The following PTPRT variants were observed in gnomAD, a reference collection of about 807,000 sequenced individuals.
PTPRT encodes protein tyrosine phosphatase receptor type T, also known as receptor-type tyrosine-protein phosphatase T.
Under a neutral mutation model 176.8 loss-of-function variants are expected in PTPRT, and 56 were observed. The ratio of observed to expected loss-of-function variants is 0.32; its 90% CI spans 0.26 to 0.40. PTPRT has a LOEUF of 0.40. PTPRT is among the 10% of genes least tolerant of loss of function. PTPRT has a pLI of 1.00. For synonymous variants in PTPRT, 783 were observed against 739.0 expected, an observed-to-expected ratio of 1.06 and a Z score of -0.96; for missense variants, 1,540 against 1,908.2, an observed-to-expected ratio of 0.81 and a Z score of 3.60.
At chr20:42,249,370 CA>C (rs2056511382) in intron 13 of PTPRT, among the ~76,000 whole-genome samples, 1 of 151,922 alleles carries the variant, frequency 6.6e-6, no homozygotes, top group South Asian at 2.1e-4. Context: ...ACCTTGGGTT[CA>C]AAAAAACACT....
chr20:42,252,864 C>T (rs1291507591), intron 13 of PTPRT, among the ~76,000 whole-genome samples: 3 of 152,240 alleles, frequency 2.0e-5, no homozygotes, highest in East Asian at 3.8e-4. Context: ...GCTGAAATCA[C>T]AGACTTTACA....
At chr20:42,795,423 G>T (rs731609) in intron 2 of PTPRT, among the ~76,000 whole-genome samples, 3,494 of 152,296 alleles carry the variant, frequency 0.023, 126 homozygotes, top group African/African-American at 0.076. Context: ...GCAGATGGTG[G>T]CTATTGTGTT....
intron 6 of PTPRT, among the ~76,000 whole-genome samples, chr20:42,729,484 G>C (rs1244410532): frequency 1.3e-5 from 2 of 152,238 alleles, no homozygotes; most frequent in Admixed American, 1.3e-4. Context: ...TGAGATGTGG[G>C]ATTCCGTCAG....
intron 11 of PTPRT, among the ~76,000 whole-genome samples, chr20:42,334,120 C>G (rs1406726656): frequency 6.6e-6 from 1 of 152,114 alleles, no homozygotes; most frequent in Admixed American, 6.5e-5. Flanking sequence ...GTGAATCATA[C>G]ATTTTTTTAA....
chr20:42,340,849 G>T (rs1179443208), intron 11 of PTPRT, among the ~76,000 whole-genome samples: 1 of 152,114 alleles, frequency 6.6e-6, no homozygotes, highest in Non-Finnish European at 1.5e-5. Context: ...AGAAAAAAAA[G>T]TTAGAGAAAA....
intron 27 of PTPRT, among the ~76,000 whole-genome samples, chr20:42,090,913 C>T (rs1400536364): frequency 6.6e-6 from 1 of 152,226 alleles, no homozygotes; most frequent in Non-Finnish European, 1.5e-5. Flanking sequence ...TCTAGACCAA[C>T]TGACTTTTTC....
In PTPRT at chr20:42,446,621, TGA is replaced by T. The variant is rs369315599; in HGVS notation, c.1560+1597_1560+1598del. 9.3e-3 allele frequency among the ~76,000 whole-genome samples: 1,210 copies of T among 130,106 alleles called. 4 individuals are homozygous for T. Among genetic ancestry groups the T allele is most frequent in the African/African-American group, 0.012 (419 of 35,400 alleles). 85.4% of individuals were successfully genotyped at this position (130,106 alleles called of 152,430 possible). A position where few individuals can be genotyped will look rare whatever the true frequency, so the allele number is the denominator to read the frequency against. On this transcript the variant is annotated intron_variant, in intron 9 of 30. Coordinates refer to ENST00000373187, the MANE Select transcript of PTPRT (RefSeq NM_007050.6). ...GTGTGTGTGTGTGTGTGTGTGTGTGTGAGAGAGAGAGAGAGATTGTGGTTTCT... is the reference window on the plus strand; with the variant it reads ...GTGTGTGTGTGTGTGTGTGTGTGTGTGAGAGAGAGAGAGATTGTGGTTTCT...
Position 42,332,818 on chromosome 20 carries a change from T to C in PTPRT, c.1866-16822A>G, listed in dbSNP as rs2057986429. 2.0e-5 allele frequency among the ~76,000 whole-genome samples: 3 copies of C among 152,288 alleles called. No individual in the cohort carries two copies. The South Asian group carries it at 6.2e-4, about 32-fold the overall frequency. ...TTAAAAATTTTAATGATGAAATTGG[T>C]GGTGACAGTAGCAAATGTAATATTT... On this transcript the variant is annotated intron_variant, in intron 11 of 30. Transcript: ENST00000373187.
chr20:42,376,775 G>A (rs1308146975), intron 9 of PTPRT, among the ~76,000 whole-genome samples: 2 of 152,150 alleles, frequency 1.3e-5, no homozygotes, highest in Non-Finnish European at 2.9e-5. Context: ...CAAAAGCCTG[G>A]GGAGTACGAA....
At chr20:42,055,548 A>C in the PTPRT span, among the ~76,000 whole-genome samples, 123 of 152,298 alleles carry the variant, frequency 8.1e-4, 1 homozygote, top group African/African-American at 2.1e-3. Flanking sequence ...TCTGGGGGCA[A>C]GGGATGTGGT....
chr20:42,354,208 T>G (rs2058327507), intron 9 of PTPRT, among the ~76,000 whole-genome samples: 1 of 152,198 alleles, frequency 6.6e-6, no homozygotes, highest in Admixed American at 6.5e-5. Context: ...GCAATCCTAC[T>G]TGCCTACCCC....
intron 13 of PTPRT, chr20:42,270,352 G>T: frequency 6.6e-7 from 1 of 1,506,792 alleles, no homozygotes; most frequent in Non-Finnish European, 9.0e-7. Flanking sequence ...CCCACTGAGT[G>T]TGGGCAACTC....
chr20:42,659,499 G>A (rs2075184854), intron 7 of PTPRT, among the ~76,000 whole-genome samples: 1 of 152,198 alleles, frequency 6.6e-6, no homozygotes, highest in South Asian at 2.1e-4. Context: ...GCGCCAGCCA[G>A]ACACAGAGGT....
chr20:42,115,458 G>C (rs960238566), intron 21 of PTPRT, 143 bp from the exon 22 acceptor site: 3 of 656,194 alleles, frequency 4.6e-6, no homozygotes, highest in Admixed American at 2.2e-5. Flanking sequence ...CAGTCCACAG[G>C]GTTCACAGCT....
At chr20:42,221,491 A>G (rs1030515569) in intron 15 of PTPRT, among the ~76,000 whole-genome samples, 1 of 151,788 alleles carries the variant, frequency 6.6e-6, no homozygotes, top group Non-Finnish European at 1.5e-5. Flanking sequence ...CATATCTTAC[A>G]TGGTGGCAGG....
intron 7 of PTPRT, among the ~76,000 whole-genome samples, chr20:42,593,934 G>C (rs1324420812): frequency 2.0e-5 from 3 of 152,178 alleles, no homozygotes. Flanking sequence ...GCAGGTCTAT[G>C]GTTCAGAGAG....
intron 6 of PTPRT, among the ~76,000 whole-genome samples, chr20:42,717,393 C>T (rs185200207): frequency 5.6e-4 from 85 of 152,142 alleles, no homozygotes; most frequent in African/African-American, 2.0e-3. Context: ...AAAGGTTCAA[C>T]TGAAATCAGC....
Position 42,929,710 on chromosome 20 carries a change from G to A in PTPRT, c.89-43778C>T, listed in dbSNP as rs996441544. On this transcript the variant is annotated intron_variant, in intron 1 of 30. Transcript: ENST00000373187. ...TCACAGCCCTCAGAGTCAAAATAGC[G>A]GAGAACATTTTCCCCTTAAATCAAT... 2.6e-4 allele frequency among the ~76,000 whole-genome samples: 39 copies of A among 152,254 alleles called. 1 individual carries two copies. Among genetic ancestry groups the A allele is most frequent in the African/African-American group, 7.7e-4 (32 of 41,534 alleles).
chr20:42,569,841 G>T (rs972127366), intron 7 of PTPRT, among the ~76,000 whole-genome samples: 1 of 152,110 alleles, frequency 6.6e-6, no homozygotes, highest in African/African-American at 2.4e-5. Flanking sequence ...ACATTTATGA[G>T]CTAAATAAAT....
Sources: gnomAD v4.1 joint callset for allele counts (sites outside exome capture counted in the v4.1 genomes callset) on GRCh38, gnomAD v4.1.1 for gene constraint, MANE v1.5 for transcripts, NCBI Gene and HGNC (gene_info 2026-07-23, HGNC 2026-07-21) for gene names.